The following VPS33B variants were observed in gnomAD, a reference collection of about 807,000 sequenced individuals.
VPS33B encodes the protein vacuolar protein sorting-associated protein 33B.
In VPS33B, 80 loss-of-function variants were observed where a neutral mutation model predicts 95.3. The observed-to-expected ratio is 0.84, with a 90% confidence interval of 0.70 to 1.01. The LOEUF (loss-of-function observed/expected upper bound fraction) is 1.01, where lower values mean the gene tolerates loss of function less well. VPS33B is among the 50% of genes least tolerant of loss of function. The pLI is 0.00. For synonymous variants in VPS33B, 280 were observed against 280.4 expected, an observed-to-expected ratio of 1.00 and a Z score of 0.01; for missense variants, 715 against 773.4, an observed-to-expected ratio of 0.92 and a Z score of 0.90.
In VPS33B at chr15:91,014,448, GAAAA is replaced by G; in HGVS notation, c.240-19_240-16del. 6.4e-7 allele frequency: 1 copy of G among 1,555,780 alleles called. No homozygotes were observed. Among genetic ancestry groups the G allele is most frequent in the Non-Finnish European group, 8.8e-7 (1 of 1,139,944 alleles). Reference sequence around the variant, plus strand: ...AGAAGCACAATCTATGAGAGAGAAAGAAAAAAAAACAGTGAAGAAGAATTATCAA... The same window carrying G: ...AGAAGCACAATCTATGAGAGAGAAAGAAAAACAGTGAAGAAGAATTATCAA... On this transcript the variant is annotated splice_polypyrimidine_tract_variant and intron_variant, in intron 3 of 22. Transcript: ENST00000333371.
At position 90,999,965 on chromosome 15, in the gene VPS33B, C is replaced by T. The variant is rs574565348; in HGVS notation, c.1592G>A (p.Arg531Gln). 1.9e-5 allele frequency: 31 copies of T among 1,614,188 alleles called. No homozygotes were observed. The highest frequency in any genetic ancestry group is 1.6e-4 in the Middle Eastern group (1 of 6,062). Residue 531 changes from arginine (R) to glutamine (Q), a missense_variant, in exon 21 of 23, where the codon CGG becomes CAG. Arg to Gln is a conservative substitution (Grantham distance 43, BLOSUM62 1). Transcript: ENST00000333371. This position sits in a 1 kb window ranked among gnomAD's most constrained non-coding sequence, Gnocchi z 5.1. Reference protein sequence around the residue: ...SCRIIEQVLERRSWQGLDEVV... With the variant: ...SCRIIEQVLEQRSWQGLDEVV... ...CTCATCAAGGCCCTGCCAGCTTCGC[C>T]GCTCTAGCACCTGGGAAGGTGTAAG...
intron 16 of VPS33B, 131 bp downstream of exon 16, chr15:91,004,746 A>G: frequency 8.7e-7 from 1 of 1,152,700 alleles, no homozygotes; most frequent in Non-Finnish European, 1.3e-6. Context: ...CAAACAAAAA[A>G]GAATCCATTA....
In VPS33B at chr15:91,016,997, C is replaced by G; in HGVS notation, c.205G>C (p.Val69Leu). The G allele has an allele frequency of 1.2e-6, 2 of 1,614,014 alleles. No individual in the cohort carries two copies. The highest frequency in any genetic ancestry group is 1.7e-6 in the Non-Finnish European group (2 of 1,179,984). ...KQHEVDKLYK[V>L]ENKPALSSNE... ...GAGCTGAGGGCTGGCTTGTTCTCCA[C>G]CTTGTATAGCTTGTCTACTTCGTGT... is the stretch of plus-strand genomic sequence containing the variant. Residue 69 changes from valine (V) to leucine (L), a missense_variant, in exon 3 of 23, where the codon GTG (valine) becomes CTG (leucine). By Grantham distance (32) the Val-to-Leu change is conservative. Transcript: ENST00000333371.
At chr15:91,004,780 G>T in intron 16 of VPS33B, 97 bp downstream of exon 16, 1 of 1,370,696 alleles carries the variant, frequency 7.3e-7, no homozygotes, top group Non-Finnish European at 1.0e-6. Context: ...CATTCTGTTT[G>T]CTAAGACATT....
chr15:91,007,937 G>A lies in VPS33B; in HGVS notation c.431C>T (p.Ser144Phe). 6.2e-7 allele frequency: 1 copy of A among 1,614,212 alleles called. No individual in the cohort carries two copies. Among genetic ancestry groups the A allele is most frequent in the African/African-American group, 1.3e-5 (1 of 75,060 alleles). ...GDVSCDEWAF[S>F]LLPLDVDLLS... ...CAGATCCACATCAAGAGGCAGCAAAGAGAAGGCCCATTCATCACAGCTCAC... is the reference window on the plus strand; with the variant it reads ...CAGATCCACATCAAGAGGCAGCAAAAAGAAGGCCCATTCATCACAGCTCAC... Residue 144 changes from serine to phenylalanine, a missense_variant, in exon 7 of 23, where the codon TCT (serine) becomes TTT (phenylalanine). Transcript: ENST00000333371. The surrounding 1 kb of genome is among the most constrained non-coding windows in gnomAD (Gnocchi z 5.3).
In VPS33B at chr15:91,022,466, C is replaced by A. The variant is rs2041134166; in HGVS notation, c.-217G>T. 6.1e-6 allele frequency: 3 copies of A among 493,974 alleles called. No individual in the cohort carries two copies. Among genetic ancestry groups the A allele is most frequent in the African/African-American group, 1.9e-5 (1 of 51,634 alleles). The allele number at this position is 493,974 out of a possible 1,614,324, so 30.6% of individuals were successfully genotyped here. On this transcript the variant is annotated 5_prime_UTR_variant, in exon 1 of 23. Transcript: ENST00000333371. ...TCGGAGCAGCCTTGTCTCAGACCTG[C>A]AGCCACCGTGTCTCGACCCTCCCTC...
At position 91,006,664 on chromosome 15, in the gene VPS33B, G is replaced by A. The variant is rs369458612; in HGVS notation, c.766C>T (p.Arg256Cys). ...VYEGLVDDTF[R>C]IKCGSVDFGP... is the part of the protein sequence containing the mutation. ...CCATAGCACTTACCACACTTGATGC[G>A]GAAGGTGTCATCTACTAGGCCCTCA... The change falls in exon 10 of 23, where the codon CGC (arginine) becomes TGC (cysteine). Residue 256 changes from arginine (R) to cysteine (C), a missense_variant. By Grantham distance (180) the Arg-to-Cys change is radical (BLOSUM62 -3). Transcript: ENST00000333371. The surrounding 1 kb of genome is among the most constrained non-coding windows in gnomAD (Gnocchi z 5.4). 4.7e-5 allele frequency: 76 copies of A among 1,614,028 alleles called. No homozygotes were observed. Among genetic ancestry groups the A allele is most frequent in the Non-Finnish European group, 6.0e-5 (71 of 1,180,032 alleles).
intron 6 of VPS33B, 152 bp from the exon 7 acceptor site, chr15:91,008,116 G>T: frequency 1.3e-6 from 1 of 747,352 alleles, no homozygotes; most frequent in Non-Finnish European, 2.4e-6. Flanking sequence ...GCTCAAAGAA[G>T]AATAAGACAC....
intron 1 of VPS33B, 115 bp from the exon 2 acceptor site, chr15:91,018,000 T>A: frequency 1.1e-6 from 1 of 877,402 alleles, no homozygotes; most frequent in Non-Finnish European, 1.9e-6. Context: ...GGGCACTAAG[T>A]ATCGTCTAGC....
At chr15:91,008,118 A>C (rs917922243) in intron 6 of VPS33B, among the ~76,000 whole-genome samples, 154 bp from the exon 7 acceptor site, 1 of 152,234 alleles carries the variant, frequency 6.6e-6, no homozygotes, top group Non-Finnish European at 1.5e-5. Context: ...TCAAAGAAGA[A>C]TAAGACACAG....
Position 91,007,319 on chromosome 15 carries a change from C to T in VPS33B, c.603+150G>A, listed in dbSNP as rs779716929. 4.7e-6 allele frequency: 4 copies of T among 855,312 alleles called. No individual in the cohort carries two copies. The highest frequency in any genetic ancestry group is 1.5e-5 in the South Asian group (1 of 68,234). The allele number at this position is 855,312 out of a possible 1,614,324, so 53.0% of individuals were successfully genotyped here. A position where few individuals can be genotyped will look rare whatever the true frequency, so the allele number is the denominator to read the frequency against. ...GGCTTTTGCTTCTCTGTTAGCCACA[C>T]AAGTTCTCCTCTCTGAGGATCTATT... On this transcript the variant is annotated intron_variant, in intron 8 of 22. Transcript: ENST00000333371. This position sits in a 1 kb window ranked among gnomAD's most constrained non-coding sequence, Gnocchi z 5.3.
Position 91,001,913 on chromosome 15 carries a change from TA to T in VPS33B, c.1405+136del. ...AAACTGCTCTTACTAGCAGAAGTAG[TA>T]GTAATAATAGTAATGACATTAATAG... On this transcript the variant is annotated intron_variant, in intron 18 of 22. Transcript: ENST00000333371. 2.2e-6 allele frequency: 3 copies of T among 1,372,952 alleles called. No homozygotes were observed. The Admixed American group carries it at 5.6e-5, about 25-fold the overall frequency. 85.0% of individuals were successfully genotyped at this position (1,372,952 alleles called of 1,614,324 possible).
In VPS33B at chr15:91,022,356, G is replaced by C; in HGVS notation, c.-107C>G. On this transcript the variant is annotated 5_prime_UTR_variant, in exon 1 of 23. Coordinates refer to ENST00000333371, the MANE Select transcript of VPS33B (RefSeq NM_018668.5). ...GGGCTATCCTTCAGGCCTGGGCACC[G>C]ACTTCCAGAGACCCCAGATGGGCCC... is the stretch of plus-strand genomic sequence containing the variant. 9.0e-7 allele frequency: 1 copy of C among 1,107,542 alleles called. No individual in the cohort carries two copies. Among genetic ancestry groups the C allele is most frequent in the East Asian group, 2.6e-5 (1 of 37,946 alleles). The allele number at this position is 1,107,542 out of a possible 1,614,324, so 68.6% of individuals were successfully genotyped here. A position where few individuals can be genotyped will look rare whatever the true frequency, so the allele number is the denominator to read the frequency against.
At chr15:91,008,724 A>G (rs2040688244) in intron 6 of VPS33B, among the ~76,000 whole-genome samples, 1 of 152,200 alleles carries the variant, frequency 6.6e-6, no homozygotes, top group Admixed American at 6.5e-5. Flanking sequence ...GACACAAACT[A>G]TTAAATCACG....
At chr15:91,004,753 A>G (rs2040549599) in intron 16 of VPS33B, 124 bp downstream of exon 16, 5 of 1,197,700 alleles carry the variant, frequency 4.2e-6, no homozygotes, top group Non-Finnish European at 1.2e-6. Flanking sequence ...AAAAGAATCC[A>G]TTAAATTACA....
At chr15:91,017,093 T>C in intron 2 of VPS33B, 69 bp from the exon 3 acceptor site, 1 of 1,458,776 alleles carries the variant, frequency 6.9e-7, no homozygotes, top group African/African-American at 1.4e-5. Flanking sequence ...GACACGAAGA[T>C]AGGGGACTTC....
intron 6 of VPS33B, among the ~76,000 whole-genome samples, chr15:91,008,262 ATTAT>A (rs1010207559): frequency 6.6e-6 from 1 of 152,146 alleles, no homozygotes; most frequent in African/African-American, 2.4e-5. Context: ...TCATTCATTC[ATTAT>A]TTATTTATTT....
Position 91,010,816 on chromosome 15 carries a change from G to C in VPS33B, c.358-970C>G, listed in dbSNP as rs577141161. ...GTTGCAAGGAAGGGTGGGCAACAGT[G>C]TCAAATGCCAGGGAAGTTAAGTAGG... On this transcript the variant is annotated intron_variant, in intron 5 of 22. Transcript: ENST00000333371. This position sits in a 1 kb window ranked among gnomAD's most constrained non-coding sequence, Gnocchi z 5.7. Among the ~76,000 whole-genome samples, 3 of 152,282 alleles carry C rather than the reference G, an allele frequency of 2.0e-5. No homozygotes were observed. In the South Asian group the frequency reaches 6.2e-4, roughly 32 times the overall value.
rs182802353 is a variant in VPS33B, at chr15:90,999,266, A to G, written c.1775-212T>C. ...GCAGCCCAGAGTTAAGGCTATGGCA[A>G]GTTGTATTCTGAGGCCAGGAGAAAA... is the stretch of plus-strand genomic sequence containing the variant. On this transcript the variant is annotated intron_variant, in intron 22 of 22. Coordinates refer to ENST00000333371, the MANE Select transcript of VPS33B (RefSeq NM_018668.5). The surrounding 1 kb of genome is among the most constrained non-coding windows in gnomAD (Gnocchi z 5.1). The G allele has an allele frequency of 7.3e-5, 45 of 618,770 alleles. No homozygotes were observed. The Admixed American group carries it at 8.0e-4, about 11-fold the overall frequency. The allele number at this position is 618,770 out of a possible 1,614,324, so 38.3% of individuals were successfully genotyped here.
Sources: allele counts gnomAD v4.1 joint callset (sites outside exome capture counted in the v4.1 genomes callset), GRCh38; gene constraint gnomAD v4.1.1; non-coding constraint Gnocchi (gnomAD v3.1); transcripts MANE v1.5; gene names NCBI Gene and HGNC (gene_info 2026-07-23, HGNC 2026-07-21).